Variants in C20orf204 observed in about 807,000 individuals in gnomAD.
C20orf204 encodes the protein uncharacterized protein C20orf204.
A neutral mutation model predicts 3.6 loss-of-function variants in C20orf204; 6 were observed. That is an observed-to-expected ratio of 1.68 (90% CI 0.92 to 3.31). The LOEUF (loss-of-function observed/expected upper bound fraction) is 3.31, where lower values mean the gene tolerates loss of function less well. Ranked by LOEUF, C20orf204 falls within the 30% of genes most tolerant of loss-of-function variation. The probability of loss-of-function intolerance (pLI) is 0.00; values close to 1 mark genes in which losing one functional copy is unlikely to be tolerated. For missense variants in C20orf204, 167 were observed against 89.7 expected, an observed-to-expected ratio of 1.86 and a Z score of -3.48; for synonymous variants, 80 against 41.4, an observed-to-expected ratio of 1.93 and a Z score of -3.58.
chr20:64,034,582 G>A (rs1005277657), upstream of C20orf204: 1 of 152,308 alleles, frequency 6.6e-6, no homozygotes, highest in African/African-American at 2.4e-5. Context: ...AGCAGCTGCA[G>A]GAGCTTCATG....
chr20:64,037,137 C>T (rs966251074), intron 1 of C20orf204: 4 of 152,184 alleles, frequency 2.6e-5, no homozygotes, highest in African/African-American at 7.2e-5. Context: ...CATTTTGGGT[C>T]GGGGGAGGCC....
upstream of C20orf204, chr20:64,035,718 G>A (rs2059335465): frequency 6.6e-6 from 1 of 152,298 alleles, no homozygotes; most frequent in African/African-American, 2.4e-5. Context: ...CAGCAGCGGG[G>A]GCCCGGGAAG....
rs1470151129 is a variant in C20orf204, at chr20:64,038,020, G to C, written c.97G>C (p.Val33Leu). 3.8e-6 allele frequency: 2 copies of C among 521,024 alleles called. No individual in the cohort carries two copies. Among genetic ancestry groups the C allele is most frequent in the African/African-American group, 4.0e-5 (2 of 49,392 alleles). The allele number at this position is 521,024 out of a possible 1,614,324, so 32.3% of individuals were successfully genotyped here. A position where few individuals can be genotyped will look rare whatever the true frequency, so the allele number is the denominator to read the frequency against. The change falls in exon 2 of 4, where the codon GTG becomes CTG. Residue 33 changes from valine (V) to leucine (L), a missense_variant. Physicochemically the swap from Val to Leu is conservative, Grantham distance 32. Coordinates refer to ENST00000636176, the MANE Select transcript of C20orf204 (RefSeq NM_001387010.1). ...AYSPACSVPDVLRHYRAIIFE... is the reference protein window; with the variant it reads ...AYSPACSVPDLLRHYRAIIFE... ...TTCCCCGGCCTGCAGCGTCCCCGAC[G>C]TGCTCCGCCACTATCGCGCCATCAT...
intron 3 of C20orf204, 37 bp downstream of exon 3, chr20:64,038,485 CT>C: frequency 1.5e-6 from 1 of 687,512 alleles, no homozygotes. Flanking sequence ...CCAGACCTCC[CT>C]TAACCCCCAC....
rs993089411 is a variant in C20orf204, at chr20:64,038,741, G to A, written c.552G>A (p.Pro184=). The A allele has an allele frequency of 2.8e-5, 19 of 690,356 alleles. No individual in the cohort carries two copies. Among genetic ancestry groups the A allele is most frequent in the Non-Finnish European group, 4.3e-5 (16 of 375,200 alleles). 42.8% of individuals were successfully genotyped at this position (690,356 alleles called of 1,614,324 possible). A position where few individuals can be genotyped will look rare whatever the true frequency, so the allele number is the denominator to read the frequency against. The stretch of plus-strand genomic sequence containing the variant: ...AGAAGCTCTTCGCGCTGCGCGCCCC[G>A]GCCTCCAGGGACTCCTAGCGCGGCC... ...CWEKLFALRA[P]ASRDS is the part of the protein sequence containing the mutation. The change falls in exon 4 of 4, where the codon CCG becomes CCA. Residue 184 remains proline (P), a synonymous_variant. Coordinates refer to ENST00000636176, the MANE Select transcript of C20orf204 (RefSeq NM_001387010.1).
chr20:64,038,298 G>T lies in C20orf204; in HGVS notation c.282G>T (p.Glu94Asp), dbSNP rs751549079. 1 of 756,570 alleles carries T rather than the reference G, an allele frequency of 1.3e-6. No individual in the cohort carries two copies. The highest frequency in any genetic ancestry group is 2.5e-6 in the Non-Finnish European group (1 of 408,104). 46.9% of individuals were successfully genotyped at this position (756,570 alleles called of 1,614,324 possible). ...RPRASCGAQK[E>D]HSILLSISSL... ...GCCTTCCTCCCTTCCCTCCCCAGGA[G>T]CACAGTATCCTCCTGTCCATCTCGT... Residue 94 changes from glutamate to aspartate, a missense_variant and splice_region_variant, in exon 3 of 4, where the codon GAG (glutamate) becomes GAT (aspartate). Glu to Asp is a conservative substitution (Grantham distance 45). Coordinates refer to ENST00000636176, the MANE Select transcript of C20orf204 (RefSeq NM_001387010.1).
At position 64,038,978 on chromosome 20, in the gene C20orf204, G is replaced by T. The variant is rs765618317; in HGVS notation, c.*219G>T. The T allele has an allele frequency of 1.4e-6, 1 of 712,190 alleles. No individual in the cohort carries two copies. Among genetic ancestry groups the T allele is most frequent in the East Asian group, 2.7e-5 (1 of 36,404 alleles). 44.1% of individuals were successfully genotyped at this position (712,190 alleles called of 1,614,324 possible). A position where few individuals can be genotyped will look rare whatever the true frequency, so the allele number is the denominator to read the frequency against. On this transcript the variant is annotated 3_prime_UTR_variant, in exon 4 of 4. Coordinates refer to ENST00000636176, the MANE Select transcript of C20orf204 (RefSeq NM_001387010.1). The stretch of plus-strand genomic sequence containing the variant: ...CCACGCGCCGAAGGCCTCAATAAAC[G>T]GAGCTGGCGCTGCGGGTCCGGCACT...
upstream of C20orf204, among the ~76,000 whole-genome samples, chr20:64,033,888 G>A: frequency 6.6e-6 from 1 of 152,204 alleles, no homozygotes; most frequent in Non-Finnish European, 1.5e-5. Context: ...GTTGAACAGT[G>A]ATGGTTCTCA....
At chr20:64,034,105 G>A (rs1233467202), upstream of C20orf204, among the ~76,000 whole-genome samples, 1 of 152,212 alleles carries the variant, frequency 6.6e-6, no homozygotes, top group Non-Finnish European at 1.5e-5. Context: ...TGAGGCCAGC[G>A]GGCGGGGAGG....
In C20orf204 at chr20:64,038,340, G is replaced by GCGCGGGGCGGTGGCCGGGGGCCGC. The variant is rs1251952911; in HGVS notation, c.333_356dup (p.Val112_Ala119dup). The GCGCGGGGCGGTGGCCGGGGGCCGC allele has an allele frequency of 2.6e-6, 2 of 762,020 alleles. No individual in the cohort carries two copies. Among genetic ancestry groups the GCGCGGGGCGGTGGCCGGGGGCCGC allele is most frequent in the Non-Finnish European group, 4.9e-6 (2 of 410,654 alleles). 47.2% of individuals were successfully genotyped at this position (762,020 alleles called of 1,614,324 possible). ...CCATCTCGTCCCTGGGTCGGACCCT[G>GCGCGGGGCGGTGGCCGGGGGCCGC]CGCGGGGCGGTGGCCGGGGGCCGCC... On this transcript the variant is annotated inframe_insertion, in exon 3 of 4. Coordinates refer to ENST00000636176, the MANE Select transcript of C20orf204 (RefSeq NM_001387010.1).
At chr20:64,038,530 T>C (rs977047387) in intron 3 of C20orf204, 82 bp downstream of exon 3, 77 of 568,434 alleles carry the variant, frequency 1.4e-4, no homozygotes, top group African/African-American at 8.0e-5. Flanking sequence ...TCCACGGCCC[T>C]AGGCTGAAGT....
chr20:64,037,997 C>A lies in C20orf204; in HGVS notation c.74C>A (p.Ser25Tyr). ...GGGACCGCGCCAAGCCGCGCCTATTCCCCGGCCTGCAGCGTCCCCGACGTG... is the reference window on the plus strand; with the variant it reads ...GGGACCGCGCCAAGCCGCGCCTATTACCCGGCCTGCAGCGTCCCCGACGTG... ...LLGTAPSRAY[S>Y]PACSVPDVLR... The change falls in exon 2 of 4, where the codon TCC (serine) becomes TAC (tyrosine). Residue 25 changes from serine to tyrosine, a missense_variant. Physicochemically the swap from Ser to Tyr is moderately radical, Grantham distance 144 (BLOSUM62 -2). Coordinates refer to ENST00000636176, the MANE Select transcript of C20orf204 (RefSeq NM_001387010.1). 2 of 512,616 alleles carry A rather than the reference C, an allele frequency of 3.9e-6. No homozygotes were observed. The highest frequency in any genetic ancestry group is 5.6e-5 in the South Asian group (2 of 35,458). 31.8% of individuals were successfully genotyped at this position (512,616 alleles called of 1,614,324 possible). A position where few individuals can be genotyped will look rare whatever the true frequency, so the allele number is the denominator to read the frequency against.
chr20:64,035,911 G>C (rs2059336066), upstream of C20orf204: 1 of 152,482 alleles, frequency 6.6e-6, no homozygotes, highest in Non-Finnish European at 1.5e-5. Flanking sequence ...CCACCAGCTG[G>C]GCCCTGCACT....
At chr20:64,034,882 C>T (rs1350847672), upstream of C20orf204, 1 of 152,404 alleles carries the variant, frequency 6.6e-6, no homozygotes, top group East Asian at 1.9e-4. Context: ...GCCAGCCTGG[C>T]CCTGTACAGA....
chr20:64,035,049 A>G (rs2059333030), upstream of C20orf204: 1 of 152,284 alleles, frequency 6.6e-6, no homozygotes, highest in African/African-American at 2.4e-5. Flanking sequence ...CGGAGCGCTT[A>G]CATTGTCCAT....
chr20:64,037,625 ATG>A, intron 1 of C20orf204: 1 of 291,904 alleles, frequency 3.4e-6, no homozygotes, highest in Non-Finnish European at 6.3e-6. Context: ...CTATCTCCTG[ATG>A]GGTTCTTCAG....
At position 64,038,286 on chromosome 20, in the gene C20orf204, C is replaced by T. The variant is rs139025080; in HGVS notation, c.280-10C>T. The T allele has an allele frequency of 1.3e-3, 928 of 724,626 alleles. 4 individuals carry two copies. Among genetic ancestry groups the T allele is most frequent in the South Asian group, 2.2e-3 (156 of 71,254 alleles). The allele number at this position is 724,626 out of a possible 1,614,324, so 44.9% of individuals were successfully genotyped here. ...CACCCCCACCCCGCCTTCCTCCCTT[C>T]CCTCCCCAGGAGCACAGTATCCTCC... On this transcript the variant is annotated splice_polypyrimidine_tract_variant and intron_variant, in intron 2 of 3. Transcript: ENST00000636176.
At chr20:64,034,116 A>C (rs1223648116), upstream of C20orf204, among the ~76,000 whole-genome samples, 1 of 151,972 alleles carries the variant, frequency 6.6e-6, no homozygotes, top group African/African-American at 2.4e-5. Flanking sequence ...GGCGGGGAGG[A>C]GGGCGCTGTC....
chr20:64,033,898 A>G (rs760360092), upstream of C20orf204, among the ~76,000 whole-genome samples: 1 of 152,258 alleles, frequency 6.6e-6, no homozygotes, highest in East Asian at 1.9e-4. Flanking sequence ...GATGGTTCTC[A>G]TCTCTAGGTT....
Sources: gnomAD v4.1 joint callset for allele counts (sites outside exome capture counted in the v4.1 genomes callset) on GRCh38, gnomAD v4.1.1 for gene constraint, MANE v1.5 for transcripts, NCBI Gene and HGNC (gene_info 2026-07-23, HGNC 2026-07-21) for gene names.